The following MME variants were observed in gnomAD, a reference collection of about 807,000 sequenced individuals.
The protein encoded by MME is neprilysin.
MME carries 98 observed loss-of-function variants against 113.2 expected under a neutral mutation model. That is an observed-to-expected ratio of 0.87 (90% CI 0.74 to 1.02). MME has a LOEUF of 1.02. Among genes scored for constraint, MME ranks in the 50% least tolerant of loss-of-function variants. The pLI, the probability that MME is intolerant of heterozygous loss-of-function variation, is 0.00. For missense variants in MME, 836 were observed against 896.0 expected (o/e 0.93, Z 0.86); for synonymous variants, 292 against 300.6 (o/e 0.97, Z 0.30).
At chr3:155,170,020 T>A (rs1243007443) in intron 20 of MME, among the ~76,000 whole-genome samples, 1 of 152,288 alleles carries the variant, frequency 6.6e-6, no homozygotes, top group Non-Finnish European at 1.5e-5. Context: ...TTTAGTAATT[T>A]TTTTGTTCGA....
chr3:155,178,938 A>AT (rs1480537834), intron 22 of MME, among the ~76,000 whole-genome samples: 1 of 152,182 alleles, frequency 6.6e-6, no homozygotes, highest in Non-Finnish European at 1.5e-5. Context: ...CAAAGGCTGT[A>AT]TTTTGCCCTC....
intron 3 of MME, among the ~76,000 whole-genome samples, chr3:155,102,090 C>A (rs991396774): frequency 1.3e-5 from 2 of 152,066 alleles, no homozygotes; most frequent in Non-Finnish European, 2.9e-5. Flanking sequence ...AATTTTAGAT[C>A]CTGCCTACAT....
At chr3:155,029,779 G>A (rs1479581301) in intron 1 of MME, among the ~76,000 whole-genome samples, 3 of 151,872 alleles carry the variant, frequency 2.0e-5, no homozygotes, top group Non-Finnish European at 4.4e-5. Flanking sequence ...TGAACGAAAA[G>A]GCATTTGAGT....
intron 16 of MME, among the ~76,000 whole-genome samples, chr3:155,155,843 T>C (rs911104858): frequency 6.6e-6 from 1 of 152,236 alleles, no homozygotes; most frequent in Non-Finnish European, 1.5e-5. Context: ...TGTATGCACA[T>C]ATATGTGCAT....
Position 155,168,786 on chromosome 3 carries a change from C to A in MME, c.1969C>A (p.Gln657Lys). 1 of 1,611,432 alleles carries A rather than the reference C, an allele frequency of 6.2e-7. No individual in the cohort carries two copies. Among genetic ancestry groups the A allele is most frequent in the South Asian group, 1.1e-5 (1 of 90,976 alleles). Residue 657 changes from glutamine to lysine, a missense_variant, in exon 20 of 23, where the codon CAA becomes AAA. Coordinates refer to ENST00000360490, the MANE Select transcript of MME (RefSeq NM_007289.4). ...ENIADNGGLGQAYRAYQNYIK... is the reference protein window; with the variant it reads ...ENIADNGGLGKAYRAYQNYIK... ...CATTGCTGATAATGGAGGTCTTGGT[C>A]AAGCATACAGAGTAAGTAAAAAAGA...
In MME at chr3:155,142,331, G is replaced by A; in HGVS notation, c.1188+1G>A. On this transcript the variant is annotated splice_donor_variant, in intron 12 of 22. Transcript: ENST00000360490. LOFTEE classifies it high-confidence loss of function. ...GGAGTCCAGAAATGCTTTCCGCAAG[G>A]TGAAGAAAAAATCTCTCTTTTCTTA... 6 of 1,611,512 alleles carry A rather than the reference G, an allele frequency of 3.7e-6. No homozygotes were observed. Among genetic ancestry groups the A allele is most frequent in the Non-Finnish European group, 5.1e-6 (6 of 1,177,878 alleles).
chr3:155,056,350 C>T (rs1160349908), intron 1 of MME, among the ~76,000 whole-genome samples: 1 of 148,382 alleles, frequency 6.7e-6, no homozygotes, highest in Non-Finnish European at 1.5e-5. Context: ...CACAACAGTC[C>T]CCAGAGTGTG....
chr3:155,131,589 A>G (rs1157893936), intron 8 of MME, among the ~76,000 whole-genome samples: 1 of 152,200 alleles, frequency 6.6e-6, no homozygotes, highest in African/African-American at 2.4e-5. Flanking sequence ...CAGCCCCCCA[A>G]GCATGGAATA....
At chr3:155,130,613 T>C (rs1559938029) in intron 8 of MME, among the ~76,000 whole-genome samples, 1 of 152,100 alleles carries the variant, frequency 6.6e-6, no homozygotes, top group Non-Finnish European at 1.5e-5. Context: ...TCTGTGCTCC[T>C]AGATCAGAAA....
chr3:155,068,074 T>C (rs1395705557), intron 1 of MME, among the ~76,000 whole-genome samples: 1 of 152,180 alleles, frequency 6.6e-6, no homozygotes, highest in Non-Finnish European at 1.5e-5. Flanking sequence ...GGGATATCCA[T>C]TCAATGGAAT....
At chr3:155,157,615 T>C (rs1022830129) in intron 16 of MME, among the ~76,000 whole-genome samples, 2 of 152,188 alleles carry the variant, frequency 1.3e-5, no homozygotes, top group Non-Finnish European at 1.5e-5. Flanking sequence ...TCACAAATAT[T>C]AGACATTCAG....
chr3:155,059,452 G>A (rs1034395933), intron 1 of MME, among the ~76,000 whole-genome samples: 1 of 152,028 alleles, frequency 6.6e-6, no homozygotes, highest in African/African-American at 2.4e-5. Context: ...ACGAGACTGA[G>A]CATTTCTCTC....
intron 1 of MME, among the ~76,000 whole-genome samples, chr3:155,068,402 C>A (rs1163457211): frequency 1.3e-5 from 2 of 152,286 alleles, no homozygotes; most frequent in Non-Finnish European, 2.9e-5. Context: ...TAATAAATGT[C>A]ACATTTTATT....
At chr3:155,125,833 G>A (rs1030525490) in intron 8 of MME, among the ~76,000 whole-genome samples, 2 of 152,000 alleles carry the variant, frequency 1.3e-5, no homozygotes, top group African/African-American at 2.4e-5. Context: ...TAGATATTGG[G>A]GAAAGGTGTT....
intron 17 of MME, among the ~76,000 whole-genome samples, chr3:155,165,550 T>C (rs944447850): frequency 6.6e-6 from 1 of 152,108 alleles, no homozygotes; most frequent in African/African-American, 2.4e-5. Flanking sequence ...CAAAGATTTT[T>C]AGCAGGAGAA....
chr3:155,179,727 G>A (rs1424096113), intron 22 of MME, among the ~76,000 whole-genome samples: 1 of 152,202 alleles, frequency 6.6e-6, no homozygotes, highest in Non-Finnish European at 1.5e-5. Flanking sequence ...GAGTTGGACT[G>A]TGTTGTTTTT....
chr3:155,072,068 G>A (rs893885790), intron 1 of MME, among the ~76,000 whole-genome samples: 10 of 150,506 alleles, frequency 6.6e-5, no homozygotes, highest in African/African-American at 2.2e-4. Context: ...GGCTGAGGCA[G>A]GAGAATGGCA....
At chr3:155,135,878 A>G (rs2108299169) in intron 8 of MME, among the ~76,000 whole-genome samples, 1 of 152,110 alleles carries the variant, frequency 6.6e-6, no homozygotes, top group Non-Finnish European at 1.5e-5. Flanking sequence ...TTAGATATTT[A>G]TGTAATGTGT....
At chr3:155,155,300 G>T (rs1171686200) in intron 16 of MME, among the ~76,000 whole-genome samples, 2 of 152,058 alleles carry the variant, frequency 1.3e-5, no homozygotes, top group Non-Finnish European at 2.9e-5. Context: ...ACAATTAAAA[G>T]GTCCTAAACT....
Sources: gnomAD v4.1 joint callset for allele counts (sites outside exome capture counted in the v4.1 genomes callset) on GRCh38, gnomAD v4.1.1 for gene constraint, MANE v1.5 for transcripts, NCBI Gene and HGNC (gene_info 2026-07-23, HGNC 2026-07-21) for gene names.